The following RGS7 variants were observed in gnomAD, a reference collection of about 807,000 sequenced individuals.
RGS7 encodes the protein regulator of G-protein signaling 7.
Under a neutral mutation model 81.1 loss-of-function variants are expected in RGS7, and 27 were observed. The ratio of observed to expected loss-of-function variants is 0.33; its 90% CI spans 0.25 to 0.46. The LOEUF is 0.46. Ranked by LOEUF, RGS7 falls within the 20% of genes least tolerant of loss-of-function variation. The pLI, the probability that RGS7 is intolerant of heterozygous loss-of-function variation, is 1.00. For synonymous variants in RGS7, 208 were observed against 207.7 expected (o/e 1.00, Z -0.01); for missense variants, 396 against 607.4 (o/e 0.65, Z 3.66).
In RGS7 at chr1:241,355,718, T is replaced by C. The variant is rs939442638; in HGVS notation, c.59A>G (p.Asn20Ser). ...TCTTACCTTTCTGTACACCAGCATG[T>C]TGGGTGATTCATCGGCCACCCCGTT... is the stretch of plus-strand genomic sequence containing the variant. ...TSNGVADESP[N>S]MLVYRKMEDV... Residue 20 changes from asparagine to serine, a missense_variant, in exon 2 of 19, where the codon AAC (asparagine) becomes AGC (serine). Physicochemically the swap from Asn to Ser is conservative, Grantham distance 46. Coordinates refer to ENST00000440928, the MANE Select transcript of RGS7 (RefSeq NM_001364886.1). The C allele has an allele frequency of 1.2e-5, 20 of 1,613,968 alleles. No homozygotes were observed. Among genetic ancestry groups the C allele is most frequent in the Non-Finnish European group, 1.7e-5 (20 of 1,179,940 alleles).
At chr1:241,052,884 C>T (rs1021231200) in intron 3 of RGS7, among the ~76,000 whole-genome samples, 1 of 151,870 alleles carries the variant, frequency 6.6e-6, no homozygotes, top group Non-Finnish European at 1.5e-5. Context: ...TCATGTCATC[C>T]GTGTGCCAGA....
At chr1:241,289,318 T>C (rs1055016303) in intron 2 of RGS7, among the ~76,000 whole-genome samples, 4 of 152,198 alleles carry the variant, frequency 2.6e-5, no homozygotes, top group African/African-American at 9.6e-5. Flanking sequence ...CTGCTTTATC[T>C]AGCAAATGCC....
chr1:240,863,943 G>T (rs1419452289), intron 9 of RGS7, among the ~76,000 whole-genome samples: 1 of 152,004 alleles, frequency 6.6e-6, no homozygotes, highest in Non-Finnish European at 1.5e-5. Context: ...ATAAAGTCAG[G>T]ATCTCATTCT....
chr1:241,320,833 T>G (rs2081166991), intron 2 of RGS7, among the ~76,000 whole-genome samples: 1 of 152,096 alleles, frequency 6.6e-6, no homozygotes, highest in African/African-American at 2.4e-5. Context: ...TGCTGTGGGG[T>G]GTGGGGACAA....
intron 6 of RGS7, among the ~76,000 whole-genome samples, chr1:240,890,393 C>T (rs1410237869): frequency 1.3e-5 from 2 of 152,114 alleles, no homozygotes; most frequent in Non-Finnish European, 1.5e-5. Context: ...CCTTGTGATC[C>T]GCCCACCTTG....
chr1:241,067,654 G>T (rs113529697), intron 3 of RGS7, among the ~76,000 whole-genome samples: 4,219 of 151,816 alleles, frequency 0.028, 72 homozygotes, highest in Middle Eastern at 0.058. Flanking sequence ...TGACTAGCTG[G>T]GACTACAGGT....
At position 241,076,951 on chromosome 1, in the gene RGS7, T is replaced by C. The variant is rs117373061; in HGVS notation, c.175+21715A>G. On this transcript the variant is annotated intron_variant, in intron 3 of 18. Transcript: ENST00000440928. ...AATCTTCAGTTGAGGAAAGAGGTCA[T>C]GCTCTACATTAATTACAGATGACAA... Among the ~76,000 whole-genome samples the C allele has an allele frequency of 1.6e-4, 25 of 152,342 alleles. No individual in the cohort carries two copies. The East Asian group carries it at 4.1e-3, about 25-fold the overall frequency.
chr1:240,838,827 C>T (rs938621724), intron 9 of RGS7, among the ~76,000 whole-genome samples: 73 of 151,372 alleles, frequency 4.8e-4, no homozygotes, highest in African/African-American at 1.6e-3. Flanking sequence ...AGTGCAGTGG[C>T]GCCATCTCGG....
At chr1:241,043,545 A>ATAT (rs555173832) in intron 3 of RGS7, among the ~76,000 whole-genome samples, 10,388 of 147,344 alleles carry the variant, frequency 0.071, 555 homozygotes, top group African/African-American at 0.14. Flanking sequence ...GATATATCAT[A>ATAT]TATAATATTA....
chr1:241,278,994 T>C (rs1439752281), intron 2 of RGS7, among the ~76,000 whole-genome samples: 1 of 152,196 alleles, frequency 6.6e-6, no homozygotes, highest in African/African-American at 2.4e-5. Flanking sequence ...ACTATTCATT[T>C]GGGGACTTCC....
At chr1:241,224,719 GGCCCAT>G (rs2075214924) in intron 2 of RGS7, among the ~76,000 whole-genome samples, 1 of 152,060 alleles carries the variant, frequency 6.6e-6, no homozygotes, top group Non-Finnish European at 1.5e-5. Flanking sequence ...ACAGCACGAA[GGCCCAT>G]GTCTGTCCCC....
intron 6 of RGS7, among the ~76,000 whole-genome samples, chr1:240,880,748 C>T (rs897648293): frequency 6.6e-6 from 1 of 152,184 alleles, no homozygotes; most frequent in East Asian, 1.9e-4. Context: ...CCATCCAATG[C>T]TAATTTCTCG....
intron 2 of RGS7, among the ~76,000 whole-genome samples, chr1:241,178,256 C>A (rs762517049): frequency 6.6e-6 from 1 of 151,936 alleles, no homozygotes; most frequent in African/African-American, 2.4e-5. Context: ...GGTGCCACTG[C>A]ACTCCAGCCT....
At chr1:241,267,424 A>C (rs1357371557) in intron 2 of RGS7, among the ~76,000 whole-genome samples, 2 of 151,914 alleles carry the variant, frequency 1.3e-5, no homozygotes, top group African/African-American at 4.8e-5. Flanking sequence ...GTTTGGACTT[A>C]TTTTTTCTCT....
chr1:241,305,543 T>G (rs2080041619), intron 2 of RGS7: 1 of 152,228 alleles, frequency 6.6e-6, no homozygotes, highest in Middle Eastern at 3.4e-3. Flanking sequence ...TTTTTTTTTT[T>G]TCTGCAAAGG....
chr1:241,148,303 G>A (rs909065697), intron 2 of RGS7, among the ~76,000 whole-genome samples: 1 of 151,848 alleles, frequency 6.6e-6, no homozygotes, highest in Admixed American at 6.6e-5. Context: ...CACCCACCTC[G>A]GCCTTCCAAA....
At chr1:240,860,033 T>C (rs911124736) in intron 9 of RGS7, among the ~76,000 whole-genome samples, 1 of 152,242 alleles carries the variant, frequency 6.6e-6, no homozygotes, top group Non-Finnish European at 1.5e-5. Context: ...TTCTGATTTC[T>C]AGTTTTATAT....
At chr1:241,141,731 A>G (rs1329797599) in intron 2 of RGS7, among the ~76,000 whole-genome samples, 1 of 152,170 alleles carries the variant, frequency 6.6e-6, no homozygotes, top group African/African-American at 2.4e-5. Flanking sequence ...CTACAATTCA[A>G]GATGAGATTT....
chr1:240,960,939 A>G (rs1681325388), intron 4 of RGS7, among the ~76,000 whole-genome samples: 1 of 152,200 alleles, frequency 6.6e-6, no homozygotes, highest in African/African-American at 2.4e-5. Context: ...AAGTGCAATT[A>G]TGAATATAGG....
Sources: gnomAD v4.1 joint callset for allele counts (sites outside exome capture counted in the v4.1 genomes callset) on GRCh38, gnomAD v4.1.1 for gene constraint, MANE v1.5 for transcripts, NCBI Gene and HGNC (gene_info 2026-07-23, HGNC 2026-07-21) for gene names.